Variants in PAPPA observed in about 807,000 individuals in gnomAD.
The protein encoded by PAPPA is pappalysin-1.
PAPPA carries 60 observed loss-of-function variants against 164.0 expected under a neutral mutation model. The ratio of observed to expected loss-of-function variants is 0.37; its 90% CI spans 0.30 to 0.45. PAPPA has a LOEUF of 0.45. Ranked by LOEUF, PAPPA falls within the 20% of genes least tolerant of loss-of-function variation. The probability of loss-of-function intolerance (pLI) is 1.00; values close to 1 mark genes in which losing one functional copy is unlikely to be tolerated. For synonymous variants in PAPPA, 875 were observed against 814.1 expected (o/e 1.07, Z -1.27); for missense variants, 1,782 against 2,087.3 (o/e 0.85, Z 2.85).
At chr9:116,213,502 G>C (rs527792603) in intron 4 of PAPPA, among the ~76,000 whole-genome samples, 1 of 152,150 alleles carries the variant, frequency 6.6e-6, no homozygotes, top group African/African-American at 2.4e-5. Flanking sequence ...TCCCACATCC[G>C]GTGCCCCATC....
intron 1 of PAPPA, among the ~76,000 whole-genome samples, chr9:116,164,914 C>T (rs555712351): frequency 6.5e-4 from 99 of 152,250 alleles, no homozygotes; most frequent in African/African-American, 2.3e-3. Flanking sequence ...TCCAAAGAAA[C>T]AAGGTGTGTC....
chr9:116,339,399 GCTTGCATCACCTAATCTTCAAAA>G, intron 13 of PAPPA, among the ~76,000 whole-genome samples: 1 of 152,214 alleles, frequency 6.6e-6, no homozygotes, highest in East Asian at 1.9e-4. Context: ...AGGCTACTGA[GCTTGCATCACCTAATCTTCAAAA>G]CTTGCCTCCA....
chr9:116,252,511 T>A (rs546787038), intron 7 of PAPPA, among the ~76,000 whole-genome samples: 1 of 152,168 alleles, frequency 6.6e-6, no homozygotes, highest in African/African-American at 2.4e-5. Context: ...AGGGCTGCAG[T>A]CTACTGAGTA....
intron 21 of PAPPA, among the ~76,000 whole-genome samples, chr9:116,392,132 AGAGT>A (rs1372659494): frequency 6.6e-6 from 1 of 152,256 alleles, no homozygotes; most frequent in African/African-American, 2.4e-5. Context: ...ATTGCTGGGC[AGAGT>A]GAGTAAGATA....
At position 116,211,830 on chromosome 9, in the gene PAPPA, G is replaced by C. The variant is rs1458144395; in HGVS notation, c.1816G>C (p.Ala606Pro). 6 of 1,614,058 alleles carry C rather than the reference G, an allele frequency of 3.7e-6. No individual in the cohort carries two copies. The highest frequency in any genetic ancestry group is 5.1e-6 in the Non-Finnish European group (6 of 1,179,994). Residue 606 changes from alanine (A) to proline (P), a missense_variant, in exon 4 of 22, where the codon GCC becomes CCC. This residue lies in a region of PAPPA where 1,324 missense variants were observed against 1,656.9 expected (regional missense o/e 0.80). Transcript: ENST00000328252. ...TGDLCNDTNP[A>P]PKHKSCGDPG... ...AGACCTCTGCAATGATACCAACCCA[G>C]CCCCTAAACACAAGTCCTGTGGTGA...
intron 7 of PAPPA, among the ~76,000 whole-genome samples, chr9:116,258,337 G>C (rs1264837274): frequency 1.3e-5 from 2 of 152,016 alleles, no homozygotes; most frequent in Non-Finnish European, 2.9e-5. Flanking sequence ...GCTATAGACT[G>C]CTACCGATAA....
At chr9:116,260,335 G>GT in intron 7 of PAPPA, among the ~76,000 whole-genome samples, 1 of 152,132 alleles carries the variant, frequency 6.6e-6, no homozygotes, top group Non-Finnish European at 1.5e-5. Context: ...TATAAGTGAA[G>GT]TATTTTCTAA....
intron 1 of PAPPA, among the ~76,000 whole-genome samples, chr9:116,158,571 A>T (rs1843629664): frequency 6.6e-6 from 1 of 152,224 alleles, no homozygotes; most frequent in Non-Finnish European, 1.5e-5. Context: ...TGTAAATGCT[A>T]ACAGAACTTG....
chr9:116,184,533 A>G (rs1247918726), intron 1 of PAPPA, among the ~76,000 whole-genome samples: 1 of 151,818 alleles, frequency 6.6e-6, no homozygotes, highest in Non-Finnish European at 1.5e-5. Flanking sequence ...TTAACAATGA[A>G]CTCTCATTTG....
chr9:116,222,371 A>G (rs1587959156), intron 5 of PAPPA, among the ~76,000 whole-genome samples: 1 of 152,194 alleles, frequency 6.6e-6, no homozygotes, highest in East Asian at 1.9e-4. Context: ...GTATAAACCT[A>G]TTGTAAGTTG....
chr9:116,313,998 G>A (rs1445148710), intron 10 of PAPPA, among the ~76,000 whole-genome samples: 2 of 150,086 alleles, frequency 1.3e-5, no homozygotes, highest in African/African-American at 2.5e-5. Flanking sequence ...AAGCACTTAG[G>A]ACAGTGCTTG....
At chr9:116,335,161 G>A (rs1846045888) in intron 13 of PAPPA, 87 bp downstream of exon 13, 2 of 1,102,116 alleles carry the variant, frequency 1.8e-6, no homozygotes, top group Admixed American at 1.8e-5. Context: ...CATTTGTGTG[G>A]ATGTAAAAAG....
At chr9:116,275,646 TCTC>T (rs997052850) in intron 9 of PAPPA, among the ~76,000 whole-genome samples, 2 of 151,828 alleles carry the variant, frequency 1.3e-5, no homozygotes, top group South Asian at 2.1e-4. Context: ...CCCTTTTTCC[TCTC>T]CTCCTCCTCT....
intron 7 of PAPPA, among the ~76,000 whole-genome samples, chr9:116,240,625 A>C (rs181516237): frequency 2.0e-4 from 31 of 152,380 alleles, no homozygotes; most frequent in Admixed American, 1.0e-3. Flanking sequence ...GGGACTTTAC[A>C]TAGATAATCT....
rs1846971178 is a variant in PAPPA at position 116,396,824 on chromosome 9, C to A, written c.*208C>A. On this transcript the variant is annotated 3_prime_UTR_variant, in exon 22 of 22. Transcript: ENST00000328252. The stretch of plus-strand genomic sequence containing the variant: ...CATGCTGGATGATGAAATGGATTCC[C>A]ATCCCAAAGTCTGAGATGGATTGCA... The A allele has an allele frequency of 1.7e-6, 1 of 582,044 alleles. No homozygotes were observed. The highest frequency in any genetic ancestry group is 2.1e-5 in the South Asian group (1 of 47,346). 36.1% of individuals were successfully genotyped at this position (582,044 alleles called of 1,614,324 possible).
At chr9:116,272,550 G>A (rs995180502) in intron 9 of PAPPA, among the ~76,000 whole-genome samples, 5 of 152,150 alleles carry the variant, frequency 3.3e-5, no homozygotes, top group South Asian at 2.1e-4. Flanking sequence ...TTCTCAACAC[G>A]CATTTGTTGA....
At chr9:116,254,552 GT>G (rs1844899078) in intron 7 of PAPPA, among the ~76,000 whole-genome samples, 1 of 152,156 alleles carries the variant, frequency 6.6e-6, no homozygotes, top group Non-Finnish European at 1.5e-5. Context: ...GGAGGCCAGG[GT>G]GGGCGGATCA....
At chr9:116,371,932 C>T (rs906480677) in intron 19 of PAPPA, among the ~76,000 whole-genome samples, 4 of 152,030 alleles carry the variant, frequency 2.6e-5, no homozygotes, top group Admixed American at 2.0e-4. Context: ...AGACTTGGTC[C>T]CTATCACTAC....
Position 116,154,508 on chromosome 9 carries a change from C to A in PAPPA, c.336C>A (p.Leu112=), listed in dbSNP as rs1444495703. 3.6e-6 allele frequency: 5 copies of A among 1,375,582 alleles called. No individual in the cohort carries two copies. The highest frequency in any genetic ancestry group is 3.2e-5 in the South Asian group (2 of 61,554). The allele number at this position is 1,375,582 out of a possible 1,614,324, so 85.2% of individuals were successfully genotyped here. A position where few individuals can be genotyped will look rare whatever the true frequency, so the allele number is the denominator to read the frequency against. Residue 112 remains leucine (L), a synonymous_variant, in exon 1 of 22, where the codon CTC becomes CTA. Coordinates refer to ENST00000328252, the MANE Select transcript of PAPPA (RefSeq NM_002581.5). The surrounding 1 kb of genome is among the most constrained non-coding windows in gnomAD (Gnocchi z 5.2). ...RGEQLRLRAD[L]ELPRDAFTLQ... is the part of the protein sequence containing the mutation. ...AGCAGCTGCGCCTCCGGGCCGACCT[C>A]GAGCTGCCCCGGGACGCGTTCACGC... is the stretch of plus-strand genomic sequence containing the variant.
Sources: allele counts gnomAD v4.1 joint callset (sites outside exome capture counted in the v4.1 genomes callset), GRCh38; gene constraint gnomAD v4.1.1; regional missense constraint gnomAD v4.1.1; non-coding constraint Gnocchi (gnomAD v3.1); transcripts MANE v1.5; gene names NCBI Gene and HGNC (gene_info 2026-07-23, HGNC 2026-07-21).